Variants in ASTN1 observed in about 807,000 individuals in gnomAD.
ASTN1 encodes astrotactin-1.
ASTN1 carries 41 observed loss-of-function variants against 140.7 expected under a neutral mutation model. The observed-to-expected ratio is 0.29, with a 90% CI of 0.23 to 0.38. ASTN1 has a LOEUF of 0.38. Among genes scored for constraint, ASTN1 ranks in the 10% least tolerant of loss-of-function variants. ASTN1 has a pLI of 1.00. For synonymous variants in ASTN1, 640 were observed against 652.2 expected (o/e 0.98, Z 0.29); for missense variants, 1,479 against 1,678.8 (o/e 0.88, Z 2.08).
rs1466634193 is a variant in ASTN1 at position 176,958,352 on chromosome 1, C to T, written c.1729G>A (p.Glu577Lys). ...TCCTGAAGCCAGACTCACCTGACCT[C>T]CACAGCATCCTCCATCACAGTCATG... is the stretch of plus-strand genomic sequence containing the variant. ...TDMTVMEDAVEVREELMTSSS... is the reference protein window; with the variant it reads ...TDMTVMEDAVKVREELMTSSS... The change falls in exon 10 of 23, where the codon GAG (glutamate) becomes AAG (lysine). Residue 577 changes from glutamate to lysine, a missense_variant. Physicochemically the swap from Glu to Lys is moderately conservative, Grantham distance 56. Transcript: ENST00000361833. The T allele has an allele frequency of 6.2e-7, 1 of 1,613,914 alleles. No individual in the cohort carries two copies. Among genetic ancestry groups the T allele is most frequent in the African/African-American group, 1.3e-5 (1 of 74,916 alleles).
intron 8 of ASTN1, among the ~76,000 whole-genome samples, chr1:176,991,518 A>C (rs1429893329): frequency 2.7e-5 from 4 of 147,858 alleles, no homozygotes. Context: ...CCAAAGCTGG[A>C]AAGAAAGAGA....
intron 16 of ASTN1, among the ~76,000 whole-genome samples, chr1:176,909,201 A>G (rs1670124912): frequency 6.6e-6 from 1 of 152,232 alleles, no homozygotes; most frequent in Non-Finnish European, 1.5e-5. Context: ...GCCTGGAGCC[A>G]CACAGTCCCC....
chr1:177,023,484 T>A lies in ASTN1; in HGVS notation c.1358A>T (p.Asn453Ile), dbSNP rs374811527. 3.5e-5 allele frequency: 57 copies of A among 1,612,038 alleles called. No individual in the cohort carries two copies. The highest frequency in any genetic ancestry group is 4.7e-5 in the Non-Finnish European group (56 of 1,179,334). The change falls in exon 7 of 23, where the codon AAC (asparagine) becomes ATC (isoleucine). Residue 453 changes from asparagine (N) to isoleucine (I), a missense_variant. Coordinates refer to ENST00000361833, the MANE Select transcript of ASTN1 (RefSeq NM_004319.3). ...PAQVVLFSQQ[N>I]SSGPWAMDLC... ...GTCCATGGCCCAGGGTCCGCTGGAG[T>A]TCTGCTGAGAGAAGAGAACCACTTG...
chr1:176,945,959 A>G lies in ASTN1; in HGVS notation c.2216T>C (p.Val739Ala). 6.2e-7 allele frequency: 1 copy of G among 1,613,540 alleles called. No homozygotes were observed. The change falls in exon 13 of 23, where the codon GTG (valine) becomes GCG (alanine). Residue 739 changes from valine to alanine, a missense_variant. This residue lies in a region of ASTN1 where 746 missense variants were observed against 800.9 expected (regional missense o/e 0.93). Coordinates refer to ENST00000361833, the MANE Select transcript of ASTN1 (RefSeq NM_004319.3). ...TCCTTTCAGCACCTGTCCGGCAGCC[A>G]CTTCCTTGGAATGGTTGTTGTAACC... ...FFGYNNHSKE[V>A]AAGQVLKGTF...
At chr1:177,017,750 C>T (rs1334171371) in intron 7 of ASTN1, among the ~76,000 whole-genome samples, 2 of 152,102 alleles carry the variant, frequency 1.3e-5, no homozygotes, top group Admixed American at 1.3e-4. Context: ...AAGAAAAGGC[C>T]CTGAAAGGTA....
At chr1:176,941,490 T>C (rs932872575) in intron 14 of ASTN1, among the ~76,000 whole-genome samples, 2 of 152,220 alleles carry the variant, frequency 1.3e-5, no homozygotes, top group Non-Finnish European at 2.9e-5. Flanking sequence ...CATCTGGGCA[T>C]CCTTCTATTC....
Position 176,898,591 on chromosome 1 carries a change from T to A in ASTN1, c.2672-3761A>T, listed in dbSNP as rs145328950. Among the ~76,000 whole-genome samples, 426 of 152,334 alleles carry A rather than the reference T, an allele frequency of 2.8e-3. 2 individuals carry two copies. The highest frequency in any genetic ancestry group is 9.8e-3 in the African/African-American group (408 of 41,580). ...AGAGAGCACCTATAACCATCACGTC[T>A]GTGGTAAGTGAGAGTCGTTCAGGTC... On this transcript the variant is annotated intron_variant, in intron 16 of 22. Coordinates refer to ENST00000361833, the MANE Select transcript of ASTN1 (RefSeq NM_004319.3).
At chr1:176,931,694 A>G (rs190857624) in intron 16 of ASTN1, among the ~76,000 whole-genome samples, 1 of 152,240 alleles carries the variant, frequency 6.6e-6, no homozygotes, top group East Asian at 1.9e-4. Context: ...TCTGCAATAA[A>G]ACCCACATGG....
At chr1:177,139,417 G>A (rs548230802) in intron 1 of ASTN1, among the ~76,000 whole-genome samples, 6 of 152,304 alleles carry the variant, frequency 3.9e-5, no homozygotes, top group African/African-American at 1.4e-4. Flanking sequence ...CAACGAAGGA[G>A]AAAAGAGCAT....
At chr1:177,131,777 C>T (rs148973419) in intron 1 of ASTN1, among the ~76,000 whole-genome samples, 2 of 152,180 alleles carry the variant, frequency 1.3e-5, no homozygotes, top group Non-Finnish European at 2.9e-5. Context: ...AGTTCAGGAC[C>T]GGACATCTGC....
At chr1:176,880,198 CT>C (rs1668738445) in intron 20 of ASTN1, among the ~76,000 whole-genome samples, 1 of 152,300 alleles carries the variant, frequency 6.6e-6, no homozygotes, top group African/African-American at 2.4e-5. Flanking sequence ...CAACGGAGGC[CT>C]GTGTGAGTGC....
rs192088529 is a variant in ASTN1, at chr1:177,060,744, G to A, written c.471+334C>T. 2.3e-3 allele frequency among the ~76,000 whole-genome samples: 346 copies of A among 152,176 alleles called. 3 individuals are homozygous for A. The highest frequency in any genetic ancestry group is 7.6e-3 in the African/African-American group (315 of 41,552). ...TTGAACTCCTGGCCTCAAGTGATCCGTCCATCTTGGTTTCCCAAAGTGCTG... is the reference window on the plus strand; with the variant it reads ...TTGAACTCCTGGCCTCAAGTGATCCATCCATCTTGGTTTCCCAAAGTGCTG... On this transcript the variant is annotated intron_variant, in intron 2 of 22. Transcript: ENST00000361833.
In ASTN1 at chr1:177,108,347, CAAAAAAAA is replaced by C. The variant is rs71129596; in HGVS notation, c.284-47090_284-47083del. 7.3e-3 allele frequency among the ~76,000 whole-genome samples: 723 copies of C among 98,570 alleles called. 5 individuals are homozygous for C. The highest frequency in any genetic ancestry group is 0.028 in the African/African-American group (688 of 24,170). 64.7% of individuals were successfully genotyped at this position (98,570 alleles called of 152,430 possible). A position where few individuals can be genotyped will look rare whatever the true frequency, so the allele number is the denominator to read the frequency against. On this transcript the variant is annotated intron_variant, in intron 1 of 22. Transcript: ENST00000361833. The stretch of plus-strand genomic sequence containing the variant: ...CTGGTGACAGAGCAAGACTCCGTCT[CAAAAAAAA>C]AAAAAAAAAAAGAAAAGAAAAAAAG...
chr1:176,896,002 G>C (rs1052173332), intron 16 of ASTN1, among the ~76,000 whole-genome samples: 1 of 152,200 alleles, frequency 6.6e-6, no homozygotes, highest in African/African-American at 2.4e-5. Flanking sequence ...TGGACCTTTG[G>C]AGGCACTGGT....
chr1:177,062,473 G>A (rs937722764), intron 1 of ASTN1, among the ~76,000 whole-genome samples: 12 of 150,684 alleles, frequency 8.0e-5, no homozygotes, highest in Admixed American at 7.9e-4. Flanking sequence ...TTGAACTCCT[G>A]GTCTTAAGCA....
At position 177,102,973 on chromosome 1, in the gene ASTN1, A is replaced by C. The variant is rs145373033; in HGVS notation, c.284-41708T>G. On this transcript the variant is annotated intron_variant, in intron 1 of 22. Coordinates refer to ENST00000361833, the MANE Select transcript of ASTN1 (RefSeq NM_004319.3). The stretch of plus-strand genomic sequence containing the variant: ...TCTAACCATAATGGCTGCTACTAGA[A>C]ACTGAAATACGCATTTGATCTTTTA... Among the ~76,000 whole-genome samples the C allele has an allele frequency of 3.9e-5, 6 of 152,334 alleles. No homozygotes were observed. The East Asian group carries it at 1.2e-3, about 29-fold the overall frequency.
intron 8 of ASTN1, among the ~76,000 whole-genome samples, chr1:177,011,023 G>A (rs545875515): frequency 6.6e-6 from 1 of 152,190 alleles, no homozygotes; most frequent in Non-Finnish European, 1.5e-5. Context: ...AATGTCCACA[G>A]CCTCAGTAAA....
chr1:177,005,734 A>C lies in ASTN1; in HGVS notation c.1523+9057T>G, dbSNP rs117149671. 4.2e-3 allele frequency among the ~76,000 whole-genome samples: 632 copies of C among 152,244 alleles called. 28 individuals are homozygous for C. The East Asian group carries it at 0.11, about 26-fold the overall frequency. On this transcript the variant is annotated intron_variant, in intron 8 of 22. Transcript: ENST00000361833. ...GTATGTGTGTGAGTGCTGGGATTAC[A>C]GGCGCCCGCCACCATGGCACCCGCC...
chr1:176,908,009 C>T (rs16850369), intron 16 of ASTN1, among the ~76,000 whole-genome samples: 3,039 of 152,198 alleles, frequency 0.02, 96 homozygotes, highest in African/African-American at 0.069. Context: ...AAGGTGGAAG[C>T]TGTTATGATC....
Sources: allele counts gnomAD v4.1 joint callset (sites outside exome capture counted in the v4.1 genomes callset), GRCh38; gene constraint gnomAD v4.1.1; regional missense constraint gnomAD v4.1.1; transcripts MANE v1.5; gene names NCBI Gene and HGNC (gene_info 2026-07-23, HGNC 2026-07-21).